The following DLG2 variants were observed in gnomAD, a reference collection of about 807,000 sequenced individuals.
DLG2 encodes the protein disks large homolog 2.
In DLG2, 45 loss-of-function variants were observed where a neutral mutation model predicts 132.5. The observed-to-expected ratio is 0.34, with a 90% confidence interval of 0.27 to 0.44. DLG2 has a LOEUF of 0.44. Ranked by LOEUF, DLG2 falls within the 20% of genes least tolerant of loss-of-function variation. The pLI is 1.00. For synonymous variants in DLG2, 424 were observed against 419.6 expected, an observed-to-expected ratio of 1.01 and a Z score of -0.13; for missense variants, 1,045 against 1,196.9, an observed-to-expected ratio of 0.87 and a Z score of 1.87.
chr11:83,956,693 C>T (rs894588305), intron 14 of DLG2, among the ~76,000 whole-genome samples: 15 of 152,208 alleles, frequency 9.9e-5, no homozygotes, highest in Non-Finnish European at 2.2e-4. Context: ...TAAGAAGAAA[C>T]TTCTAGTTCA....
chr11:85,303,502 C>T (rs1056106591), intron 3 of DLG2, among the ~76,000 whole-genome samples: 1 of 152,180 alleles, frequency 6.6e-6, no homozygotes, highest in African/African-American at 2.4e-5. Context: ...GCAATGTACA[C>T]ATACCCATGT....
intron 4 of DLG2, among the ~76,000 whole-genome samples, chr11:85,236,796 T>C (rs944255554): frequency 6.6e-5 from 10 of 152,042 alleles, no homozygotes; most frequent in African/African-American, 2.2e-4. Flanking sequence ...CAAGTTCACA[T>C]AGTTATTCAA....
chr11:84,585,067 A>G lies in DLG2; in HGVS notation c.358-50336T>C, dbSNP rs1425916077. Among the ~76,000 whole-genome samples the G allele has an allele frequency of 2.0e-5, 3 of 152,076 alleles. No individual in the cohort carries two copies. In the East Asian group the frequency reaches 5.8e-4, roughly 29 times the overall value. ...TTTTTTTAAGATACGCTTCCTAATG[A>G]CAAAGTCATAATAATATTATGCTAT... is the stretch of plus-strand genomic sequence containing the variant. On this transcript the variant is annotated intron_variant, in intron 6 of 27. Transcript: ENST00000376104.
rs185493503 is a variant in DLG2, at chr11:85,311,171, G to A, written c.41-25806C>T. On this transcript the variant is annotated intron_variant, in intron 3 of 27. Coordinates refer to ENST00000376104, the MANE Select transcript of DLG2 (RefSeq NM_001142699.3). ...GCCTAAAATATTTGCTATTTGGCCC[G>A]TTACAGAAATGTTTACCAACTCTTC... is the stretch of plus-strand genomic sequence containing the variant. Among the ~76,000 whole-genome samples the A allele has an allele frequency of 3.9e-5, 6 of 152,244 alleles. No individual in the cohort carries two copies. In the East Asian group the frequency reaches 7.7e-4, roughly 20 times the overall value.
At chr11:83,782,222 T>C (rs1256134795) in intron 18 of DLG2, among the ~76,000 whole-genome samples, 3 of 152,246 alleles carry the variant, frequency 2.0e-5, no homozygotes, top group Non-Finnish European at 4.4e-5. Flanking sequence ...ATTCCTTTAA[T>C]AATTACTCAG....
chr11:83,770,265 G>GT (rs71066064), intron 18 of DLG2, among the ~76,000 whole-genome samples: 6 of 128,788 alleles, frequency 4.7e-5, no homozygotes, highest in Admixed American at 7.5e-5. Context: ...GTTTTTTTTT[G>GT]TTTTTTTGCT....
intron 8 of DLG2, among the ~76,000 whole-genome samples, chr11:84,210,177 G>A (rs929677422): frequency 6.6e-6 from 1 of 151,932 alleles, no homozygotes; most frequent in African/African-American, 2.4e-5. Context: ...CAGCTACTCA[G>A]GAGGCTGAGG....
chr11:84,566,722 A>C lies in DLG2; in HGVS notation c.358-31991T>G, dbSNP rs539136963. 1.0e-3 allele frequency among the ~76,000 whole-genome samples: 152 copies of C among 152,294 alleles called. No individual in the cohort carries two copies. In the Middle Eastern group the frequency reaches 0.01, roughly 10 times the overall value. On this transcript the variant is annotated intron_variant, in intron 6 of 27. Coordinates refer to ENST00000376104, the MANE Select transcript of DLG2 (RefSeq NM_001142699.3). ...TAAACTGGACTGTGTGGTTTCAGAA[A>C]AGCACAGCTGTTTGTAGTCAAGAGG...
chr11:85,173,660 C>A (rs1401526304), intron 4 of DLG2, among the ~76,000 whole-genome samples: 2 of 152,048 alleles, frequency 1.3e-5, no homozygotes, highest in African/African-American at 4.8e-5. Context: ...GCTAAATGTT[C>A]CAATTAGAAG....
At chr11:84,808,234 A>C (rs1261431247) in intron 6 of DLG2, among the ~76,000 whole-genome samples, 2 of 152,116 alleles carry the variant, frequency 1.3e-5, no homozygotes, top group Admixed American at 1.3e-4. Context: ...TAAATAATAC[A>C]TGTGTCAAGA....
chr11:83,991,150 G>A (rs1260021153), intron 11 of DLG2, among the ~76,000 whole-genome samples: 1 of 152,088 alleles, frequency 6.6e-6, no homozygotes, highest in Non-Finnish European at 1.5e-5. Flanking sequence ...CTGCCAATAT[G>A]GTTAATTAAA....
intron 6 of DLG2, among the ~76,000 whole-genome samples, chr11:84,722,605 A>C (rs1264850802): frequency 1.3e-5 from 2 of 152,178 alleles, no homozygotes; most frequent in African/African-American, 4.8e-5. Context: ...TTTTCATCCC[A>C]TAGGCCAGTA....
chr11:84,882,424 T>G (rs1314824159), intron 6 of DLG2, among the ~76,000 whole-genome samples: 1 of 152,068 alleles, frequency 6.6e-6, no homozygotes, highest in African/African-American at 2.4e-5. Flanking sequence ...AAAACAAGCC[T>G]TCTCCTACAG....
intron 11 of DLG2, among the ~76,000 whole-genome samples, chr11:84,020,360 A>T (rs545532501): frequency 1.8e-4 from 27 of 152,322 alleles, no homozygotes; most frequent in African/African-American, 6.3e-4. Context: ...ATATTCATAT[A>T]CATGCAGTAT....
intron 19 of DLG2, among the ~76,000 whole-genome samples, chr11:83,585,814 A>C (rs1032554174): frequency 1.3e-5 from 2 of 152,200 alleles, no homozygotes; most frequent in Admixed American, 6.5e-5. Context: ...GAAACAGAAA[A>C]GTCAACATTC....
chr11:83,655,217 G>A (rs2071990654), intron 18 of DLG2, among the ~76,000 whole-genome samples: 1 of 152,218 alleles, frequency 6.6e-6, no homozygotes, highest in African/African-American at 2.4e-5. Context: ...TCAGTGCCTA[G>A]CACATAATCA....
intron 9 of DLG2, among the ~76,000 whole-genome samples, chr11:84,140,349 G>A (rs976425219): frequency 5.9e-5 from 9 of 152,022 alleles, no homozygotes; most frequent in African/African-American, 9.7e-5. Context: ...AAATAGTGAC[G>A]TAATATGAAA....
intron 6 of DLG2, among the ~76,000 whole-genome samples, chr11:84,932,590 T>A (rs1366497698): frequency 6.6e-6 from 1 of 152,116 alleles, no homozygotes; most frequent in Non-Finnish European, 1.5e-5. Flanking sequence ...AGCTCCCACT[T>A]ATGAGTGAGA....
At chr11:84,072,463 T>C (rs1223905697) in intron 10 of DLG2, among the ~76,000 whole-genome samples, 1 of 152,160 alleles carries the variant, frequency 6.6e-6, no homozygotes, top group East Asian at 1.9e-4. Flanking sequence ...GCAAGAGAAA[T>C]ACAGGGTAAT....
Sources: gnomAD v4.1 joint callset for allele counts (sites outside exome capture counted in the v4.1 genomes callset) on GRCh38, gnomAD v4.1.1 for gene constraint, MANE v1.5 for transcripts, NCBI Gene and HGNC (gene_info 2026-07-23, HGNC 2026-07-21) for gene names.